Variants in FYB1 observed in about 807,000 individuals in gnomAD.
FYB1 encodes the protein FYN binding protein 1.
Under a neutral mutation model 94.1 loss-of-function variants are expected in FYB1, and 41 were observed. That is an observed-to-expected ratio of 0.44 (90% confidence interval 0.34 to 0.57). The LOEUF (loss-of-function observed/expected upper bound fraction) is 0.57, where lower values mean the gene tolerates loss of function less well. Ranked by LOEUF, FYB1 falls within the 20% of genes least tolerant of loss-of-function variation. FYB1 has a pLI of 0.02. For synonymous variants in FYB1, 367 were observed against 353.2 expected, an observed-to-expected ratio of 1.04 and a Z score of -0.44; for missense variants, 1,050 against 976.8, an observed-to-expected ratio of 1.07 and a Z score of -1.00.
At chr5:39,191,526 C>T (rs1310797734) in intron 2 of FYB1, among the ~76,000 whole-genome samples, 1 of 152,134 alleles carries the variant, frequency 6.6e-6, no homozygotes, top group Non-Finnish European at 1.5e-5. Flanking sequence ...TTACTTTTTC[C>T]TGATAATATC....
chr5:39,168,254 T>A (rs551296376), intron 2 of FYB1, among the ~76,000 whole-genome samples: 1 of 152,360 alleles, frequency 6.6e-6, no homozygotes, highest in East Asian at 1.9e-4. Context: ...TATCATGTCA[T>A]GTATTATAAC....
At chr5:39,201,671 C>T (rs1455520188) in intron 2 of FYB1, among the ~76,000 whole-genome samples, 155 bp downstream of exon 2, 4 of 152,204 alleles carry the variant, frequency 2.6e-5, no homozygotes, top group Admixed American at 2.0e-4. Flanking sequence ...AGACCTCCCA[C>T]ATGAAAGAAA....
At chr5:39,166,744 T>A (rs1459287855) in intron 2 of FYB1, among the ~76,000 whole-genome samples, 1 of 151,754 alleles carries the variant, frequency 6.6e-6, no homozygotes, top group Non-Finnish European at 1.5e-5. Context: ...TAAGTGGGAG[T>A]TAAATTAAAT....
intron 11 of FYB1, among the ~76,000 whole-genome samples, chr5:39,127,307 G>T (rs1318060454): frequency 6.6e-6 from 1 of 151,128 alleles, no homozygotes; most frequent in Admixed American, 6.6e-5. Flanking sequence ...ATTACACAAG[G>T]GATAGCCATG....
chr5:39,113,521 C>T (rs1301446708), intron 16 of FYB1, among the ~76,000 whole-genome samples: 1 of 152,020 alleles, frequency 6.6e-6, no homozygotes, highest in Non-Finnish European at 1.5e-5. Flanking sequence ...TAATTTCTTC[C>T]CCAAATGTTT....
intron 16 of FYB1, among the ~76,000 whole-genome samples, chr5:39,118,502 T>A (rs1739770596): frequency 2.0e-5 from 3 of 152,144 alleles, no homozygotes; most frequent in Admixed American, 2.0e-4. Context: ...TTATCATCAC[T>A]GTTTTTACCT....
chr5:39,253,337 T>C (rs1308085418), intron 1 of FYB1, among the ~76,000 whole-genome samples: 1 of 150,060 alleles, frequency 6.7e-6, no homozygotes, highest in African/African-American at 2.5e-5. Flanking sequence ...CTAGTTTTAT[T>C]CCCATGAAAT....
At chr5:39,177,301 C>G (rs988724243) in intron 2 of FYB1, among the ~76,000 whole-genome samples, 3 of 152,184 alleles carry the variant, frequency 2.0e-5, no homozygotes, top group African/African-American at 7.2e-5. Context: ...AGAGAGGACT[C>G]TATTTCCTTG....
intron 3 of FYB1, 109 bp downstream of exon 3, chr5:39,153,339 T>G: frequency 5.1e-6 from 7 of 1,384,786 alleles, no homozygotes; most frequent in Non-Finnish European, 7.1e-6. Flanking sequence ...GCTGCCCACT[T>G]TTGTAGACCC....
In FYB1 at chr5:39,257,446, C is replaced by CA. The variant is rs749834797; in HGVS notation, c.-28+16956dup. On this transcript the variant is annotated intron_variant, in intron 1 of 1. Transcript: ENST00000510188. Reference sequence around the variant, plus strand: ...TTTTTTTTTTTGCATGTAGAACTTACAAAATCTTTTAGAAATATTTTGTGT... The same window carrying CA: ...TTTTTTTTTTTGCATGTAGAACTTACAAAAATCTTTTAGAAATATTTTGTGT... 9.5e-4 allele frequency among the ~76,000 whole-genome samples: 143 copies of CA among 149,782 alleles called. No homozygotes were observed. The Middle Eastern group carries it at 0.014, about 14-fold the overall frequency.
At chr5:39,157,532 A>G (rs999252492) in intron 2 of FYB1, among the ~76,000 whole-genome samples, 3 of 152,046 alleles carry the variant, frequency 2.0e-5, no homozygotes, top group East Asian at 3.8e-4. Flanking sequence ...AGCTGGTTGG[A>G]AAAAAAAGCT....
At chr5:39,139,329 T>C (rs1399813403) in intron 4 of FYB1, 77 bp from the exon 5 acceptor site, 1 of 1,181,780 alleles carries the variant, frequency 8.5e-7, no homozygotes, top group African/African-American at 1.5e-5. Flanking sequence ...GGATATGATA[T>C]AATAATATTC....
chr5:39,209,021 C>A (rs973834647), intron 1 of FYB1: 1 of 148,280 alleles, frequency 6.7e-6, no homozygotes, highest in African/African-American at 2.4e-5. Context: ...CATCCCTTCT[C>A]ATCACACACA....
intron 1 of FYB1, among the ~76,000 whole-genome samples, chr5:39,215,138 T>TA (rs1749744546): frequency 6.6e-6 from 1 of 152,186 alleles, no homozygotes; most frequent in Non-Finnish European, 1.5e-5. Flanking sequence ...CGAATGTATG[T>TA]AATGCCACAT....
intron 13 of FYB1, among the ~76,000 whole-genome samples, chr5:39,123,294 T>A (rs1346930185): frequency 6.6e-6 from 1 of 152,204 alleles, no homozygotes; most frequent in Non-Finnish European, 1.5e-5. Context: ...TTTCACACGA[T>A]GAAACTTGCT....
At chr5:39,185,827 A>G (rs1393522337) in intron 2 of FYB1, among the ~76,000 whole-genome samples, 2 of 151,960 alleles carry the variant, frequency 1.3e-5, no homozygotes, top group East Asian at 3.9e-4. Context: ...GCACTCAGAG[A>G]TGGAGAATAT....
intron 1 of FYB1, among the ~76,000 whole-genome samples, chr5:39,209,440 C>A (rs1232715669): frequency 1.3e-5 from 2 of 151,842 alleles, no homozygotes; most frequent in African/African-American, 4.8e-5. Flanking sequence ...GATTCTCGTG[C>A]CTCAGCCTCC....
intron 2 of FYB1, among the ~76,000 whole-genome samples, chr5:39,186,600 A>AAAAC (rs1186330471): frequency 2.0e-5 from 3 of 150,846 alleles, no homozygotes; most frequent in Admixed American, 2.0e-4. Context: ...ATGTTTAAGC[A>AAAAC]AAACAAAATG....
chr5:39,267,742 T>C (rs1202693011), intron 1 of FYB1, among the ~76,000 whole-genome samples: 1 of 152,250 alleles, frequency 6.6e-6, no homozygotes, highest in Admixed American at 6.5e-5. Context: ...ATTCACTTAC[T>C]ATGCCATTAT....
Sources: gnomAD v4.1 joint callset for allele counts (sites outside exome capture counted in the v4.1 genomes callset) on GRCh38, gnomAD v4.1.1 for gene constraint, MANE v1.5 for transcripts, NCBI Gene and HGNC (gene_info 2026-07-23, HGNC 2026-07-21) for gene names.